The following TNN variants were observed in gnomAD, a reference collection of about 807,000 sequenced individuals.
The protein encoded by TNN is tenascin N.
Under a neutral mutation model 134.4 loss-of-function variants are expected in TNN, and 122 were observed. That is an observed-to-expected ratio of 0.91 (90% CI 0.78 to 1.06). The LOEUF (loss-of-function observed/expected upper bound fraction) is 1.06, where lower values mean the gene tolerates loss of function less well. Ranked by LOEUF, TNN falls within the 50% of genes least tolerant of loss-of-function variation. TNN has a pLI of 0.00. For missense variants in TNN, 1,739 were observed against 1,699.4 expected (o/e 1.02, Z -0.41); for synonymous variants, 710 against 670.3 (o/e 1.06, Z -0.91).
At chr1:175,101,133 C>G (rs534568947) in intron 9 of TNN, among the ~76,000 whole-genome samples, 2 of 152,116 alleles carry the variant, frequency 1.3e-5, no homozygotes, top group East Asian at 1.9e-4. Context: ...AGCTGCGGAC[C>G]CTCGCGGTGA....
At position 175,069,162 on chromosome 1, in the gene TNN, A is replaced by G. The variant is rs147793401; in HGVS notation, c.-36+1227A>G. 4.3e-4 allele frequency among the ~76,000 whole-genome samples: 66 copies of G among 152,286 alleles called. 1 individual carries two copies. The East Asian group carries it at 0.013, about 29-fold the overall frequency. ...GGGACACAGGTTAGCCACAGTGCCT[A>G]AAATCCACTGGTTCTTGGAAAAGCT... On this transcript the variant is annotated intron_variant, in intron 1 of 18. Coordinates refer to ENST00000239462, the MANE Select transcript of TNN (RefSeq NM_022093.2).
intron 1 of TNN, among the ~76,000 whole-genome samples, chr1:175,072,080 T>C (rs1205384570): frequency 6.6e-6 from 1 of 152,108 alleles, no homozygotes; most frequent in Admixed American, 6.6e-5. Flanking sequence ...TAGATGCAGA[T>C]ACCAAGAGAG....
At chr1:175,117,865 A>C (rs1675224534) in intron 10 of TNN, among the ~76,000 whole-genome samples, 1 of 152,234 alleles carries the variant, frequency 6.6e-6, no homozygotes, top group African/African-American at 2.4e-5. Context: ...AGTTTTGAGG[A>C]TAAGGATAGC....
chr1:175,127,057 C>T lies in TNN; in HGVS notation c.3017C>T (p.Thr1006Ile). 6.2e-7 allele frequency: 1 copy of T among 1,614,110 alleles called. No homozygotes were observed. Among genetic ancestry groups the T allele is most frequent in the South Asian group, 1.1e-5 (1 of 91,062 alleles). Residue 1006 changes from threonine (T) to isoleucine (I), a missense_variant, in exon 13 of 19, where the codon ACT (threonine) becomes ATT (isoleucine). By Grantham distance (89) the Thr-to-Ile change is moderately conservative. Transcript: ENST00000239462. The part of the protein sequence containing the change: ...PSAQIHGYIL[T>I]YQFPDGTVKE... Reference sequence around the variant, plus strand: ...GCTCAGATCCACGGCTACATTCTGACTTACCAGTTCCCAGATGGCACAGTT... The same window carrying T: ...GCTCAGATCCACGGCTACATTCTGATTTACCAGTTCCCAGATGGCACAGTT...
rs894033570 is a variant in TNN, at chr1:175,097,473, A to G, written c.1645A>G (p.Ile549Val). 4 of 1,614,164 alleles carry G rather than the reference A, an allele frequency of 2.5e-6. No homozygotes were observed. Among genetic ancestry groups the G allele is most frequent in the East Asian group, 2.2e-5 (1 of 44,884 alleles). Residue 549 changes from isoleucine to valine, a missense_variant, in exon 8 of 19, where the codon ATC becomes GTC. Coordinates refer to ENST00000239462, the MANE Select transcript of TNN (RefSeq NM_022093.2). ...TDRVTENTAT[I>V]SWDPVQATID... ...CCGGGTGACTGAGAATACCGCCACC[A>G]TCTCCTGGGACCCGGTACAGGCCAC... is the stretch of plus-strand genomic sequence containing the variant.
chr1:175,069,518 T>C (rs1007419348), intron 1 of TNN, among the ~76,000 whole-genome samples: 2 of 152,214 alleles, frequency 1.3e-5, no homozygotes, highest in Non-Finnish European at 2.9e-5. Context: ...GTTTGAAATG[T>C]AGGGTGGGCA....
intron 6 of TNN, among the ~76,000 whole-genome samples, chr1:175,089,225 A>G (rs995084122): frequency 6.6e-6 from 1 of 152,220 alleles, no homozygotes; most frequent in East Asian, 1.9e-4. Context: ...CAGGTGGAAA[A>G]GGATGCTGGA....
chr1:175,102,732 C>A (rs924143630), intron 9 of TNN, among the ~76,000 whole-genome samples: 1 of 146,170 alleles, frequency 6.8e-6, no homozygotes, highest in African/African-American at 2.5e-5. Context: ...CCTTGGCCAG[C>A]CCAGAAAGGG....
At chr1:175,121,273 T>C (rs1675368776) in intron 11 of TNN, among the ~76,000 whole-genome samples, 1 of 152,204 alleles carries the variant, frequency 6.6e-6, no homozygotes, top group South Asian at 2.1e-4. Flanking sequence ...AGAATGGATT[T>C]TGGCAAAAAC....
intron 9 of TNN, among the ~76,000 whole-genome samples, chr1:175,112,556 A>ATAAG (rs1675055876): frequency 1.5e-5 from 2 of 136,368 alleles, no homozygotes; most frequent in South Asian, 4.6e-4. Context: ...TAGGTAGCAC[A>ATAAG]TAAGTGGGTC....
At chr1:175,098,844 G>A (rs1674643672) in intron 9 of TNN, among the ~76,000 whole-genome samples, 1 of 152,092 alleles carries the variant, frequency 6.6e-6, no homozygotes. Flanking sequence ...CTTTGCCTGA[G>A]TACCTTTGTC....
chr1:175,132,148 G>T (rs1305149489), intron 15 of TNN, among the ~76,000 whole-genome samples: 2 of 152,014 alleles, frequency 1.3e-5, no homozygotes, highest in African/African-American at 4.8e-5. Flanking sequence ...CACTGTCCTT[G>T]GTACAACAAG....
rs1436570374 is a variant in TNN at position 175,083,859 on chromosome 1, C to A, written c.1158C>A (p.Gly386=). 1.2e-6 allele frequency: 2 copies of A among 1,614,198 alleles called. No homozygotes were observed. The highest frequency in any genetic ancestry group is 1.7e-5 in the Admixed American group (1 of 60,032). The change falls in exon 5 of 19, where the codon GGC becomes GGA. Residue 386 remains glycine, a synonymous_variant. Transcript: ENST00000239462. ...TEVDYYKLRY[G]PMTGQEVAEV... ...TGGACTACTACAAGCTGCGATATGG[C>A]CCCATGACAGGACAGGAGGTAGCTG...
At position 175,118,786 on chromosome 1, in the gene TNN, A is replaced by C. The variant is rs1304671540; in HGVS notation, c.2612A>C (p.Asn871Thr). The change falls in exon 11 of 19, where the codon AAC becomes ACC. Residue 871 changes from asparagine (N) to threonine (T), a missense_variant. Coordinates refer to ENST00000239462, the MANE Select transcript of TNN (RefSeq NM_022093.2). ...GTGCACGTGTGGGCCCAGAAGGGGA[A>C]CCAGGAGAGCAAGAAGGCTGACACC... ...YTVHVWAQKGNQESKKADTKA... is the reference protein window; with the variant it reads ...YTVHVWAQKGTQESKKADTKA... The C allele has an allele frequency of 2.5e-6, 4 of 1,614,070 alleles. No individual in the cohort carries two copies. The highest frequency in any genetic ancestry group is 1.6e-4 in the Middle Eastern group (1 of 6,084).
chr1:175,068,929 GCAAA>G (rs1334086935), intron 1 of TNN, among the ~76,000 whole-genome samples: 5 of 151,878 alleles, frequency 3.3e-5, no homozygotes, highest in African/African-American at 2.4e-5. Flanking sequence ...ACAAAACAAA[GCAAA>G]CAAACAAAAA....
At chr1:175,112,920 C>T (rs1017315941) in intron 9 of TNN, among the ~76,000 whole-genome samples, 1 of 151,978 alleles carries the variant, frequency 6.6e-6, no homozygotes, top group African/African-American at 2.4e-5. Context: ...CTATGCCCGG[C>T]CTCAGCAAGT....
At chr1:175,089,289 A>G (rs988214294) in intron 6 of TNN, among the ~76,000 whole-genome samples, 1 of 152,256 alleles carries the variant, frequency 6.6e-6, no homozygotes, top group Admixed American at 6.5e-5. Flanking sequence ...GACACCGTTC[A>G]GGGATTTTTC....
At chr1:175,137,407 T>G (rs1675844277) in intron 17 of TNN, among the ~76,000 whole-genome samples, 1 of 110,090 alleles carries the variant, frequency 9.1e-6, no homozygotes, top group East Asian at 2.5e-4. Flanking sequence ...TTTGAGCTTT[T>G]GGTGGCACTT....
chr1:175,136,056 G>A (rs552874492), intron 16 of TNN, 115 bp downstream of exon 16: 2 of 743,272 alleles, frequency 2.7e-6, no homozygotes, highest in East Asian at 2.6e-5. Context: ...CAGTGGCAGG[G>A]AGACAGAGGA....
Sources: gnomAD v4.1 joint callset for allele counts (sites outside exome capture counted in the v4.1 genomes callset) on GRCh38, gnomAD v4.1.1 for gene constraint, MANE v1.5 for transcripts, NCBI Gene and HGNC (gene_info 2026-07-23, HGNC 2026-07-21) for gene names.